Variants in SMARCD3 observed in about 807,000 individuals in gnomAD.
SMARCD3 encodes SWI/SNF related BAF chromatin remodeling complex subunit D3, also known as SWI/SNF-related matrix-associated actin-dependent regulator of chromatin subfamily D member 3.
A neutral mutation model predicts 58.0 loss-of-function variants in SMARCD3; 14 were observed. That is an observed-to-expected ratio of 0.24 (90% CI 0.16 to 0.38). SMARCD3 has a LOEUF of 0.38. Among genes scored for constraint, SMARCD3 ranks in the 10% least tolerant of loss-of-function variants. The pLI, the probability that SMARCD3 is intolerant of heterozygous loss-of-function variation, is 1.00. For synonymous variants in SMARCD3, 253 were observed against 253.8 expected (o/e 1.00, Z 0.03); for missense variants, 408 against 636.9 (o/e 0.64, Z 3.87).
Position 151,243,781 on chromosome 7 carries a change from G to A in SMARCD3, c.291-80C>T, listed in dbSNP as rs219229. ...ACGAGGCCACCTGCTAGATTATCCCGACATCTCCGCCCGCCTGGCTGGGGT... is the reference window on the plus strand; with the variant it reads ...ACGAGGCCACCTGCTAGATTATCCCAACATCTCCGCCCGCCTGGCTGGGGT... On this transcript the variant is annotated intron_variant, in intron 2 of 12. Transcript: ENST00000262188. This position sits in a 1 kb window ranked among gnomAD's most constrained non-coding sequence, Gnocchi z 4.4. 0.31 allele frequency: 304,733 copies of A among 988,310 alleles called. 49,653 individuals carry two copies. Among genetic ancestry groups the A allele is most frequent in the South Asian group, 0.43 (33,710 of 78,572 alleles). 61.2% of individuals were successfully genotyped at this position (988,310 alleles called of 1,614,324 possible).
intron 2 of SMARCD3, among the ~76,000 whole-genome samples, chr7:151,274,026 G>C (rs150865804): frequency 6.6e-6 from 1 of 152,226 alleles, no homozygotes; most frequent in East Asian, 1.9e-4. Flanking sequence ...AGGCCTCCCC[G>C]AGCCTCAGGC....
In SMARCD3 at chr7:151,245,613, G is replaced by A; in HGVS notation, c.137C>T (p.Pro46Leu). 1 of 1,172,600 alleles carries A rather than the reference G, an allele frequency of 8.5e-7. No homozygotes were observed. The highest frequency in any genetic ancestry group is 1.1e-6 in the Non-Finnish European group (1 of 934,592). The allele number at this position is 1,172,600 out of a possible 1,614,324, so 72.6% of individuals were successfully genotyped here. ...GGGGCTGCCCATGTACGGGGAGCCC[G>A]GGGGGCCCATGGGCGCCCCCTGGTG... ...MPHQGAPMGP[P>L]GSPYMGSPAV... Residue 46 changes from proline (P) to leucine (L), a missense_variant, in exon 2 of 13, where the codon CCG becomes CTG. Around this residue, in one of 4 missense-constraint regions of SMARCD3, gnomAD observed 84 missense variants for 81.2 expected, o/e 1.03. Transcript: ENST00000262188. This position sits in a 1 kb window ranked among gnomAD's most constrained non-coding sequence, Gnocchi z 6.2.
chr7:151,275,584 G>A (rs991490311), intron 1 of SMARCD3, among the ~76,000 whole-genome samples: 2 of 152,228 alleles, frequency 1.3e-5, no homozygotes, highest in Admixed American at 6.5e-5. Context: ...TGGTTGGAGG[G>A]AGAGAGCTGG....
chr7:151,255,004 C>G (rs957434823), intron 2 of SMARCD3, among the ~76,000 whole-genome samples: 116 of 152,286 alleles, frequency 7.6e-4, no homozygotes, highest in Non-Finnish European at 1.2e-3. Flanking sequence ...AAGTGCTGCG[C>G]GGACTCGTCG....
intron 2 of SMARCD3, among the ~76,000 whole-genome samples, chr7:151,259,682 T>C (rs900396178): frequency 6.8e-6 from 1 of 145,988 alleles, no homozygotes; most frequent in Non-Finnish European, 1.5e-5. Context: ...TGATCTTGGC[T>C]CACTGCAACC....
At position 151,248,323 on chromosome 7, in the gene SMARCD3, G is replaced by A. The variant is rs911409943; in HGVS notation, c.78+162C>T. Among the ~76,000 whole-genome samples the A allele has an allele frequency of 1.3e-5, 2 of 151,804 alleles. No homozygotes were observed. Among genetic ancestry groups the A allele is most frequent in the Non-Finnish European group, 2.9e-5 (2 of 67,882 alleles). The stretch of plus-strand genomic sequence containing the variant: ...GCCGGCCGCCTGGCGACGTGTTCGG[G>A]TGCCAGGGCGCCAGCACAGTCCCGC... On this transcript the variant is annotated intron_variant, in intron 1 of 12. Transcript: ENST00000262188. This position sits in a 1 kb window ranked among gnomAD's most constrained non-coding sequence, Gnocchi z 6.1.
chr7:151,267,932 G>A lies in SMARCD3; in HGVS notation c.39+7182C>T, dbSNP rs145330696. Among the ~76,000 whole-genome samples, 282 of 152,310 alleles carry A rather than the reference G, an allele frequency of 1.9e-3. 1 individual carries two copies. The highest frequency in any genetic ancestry group is 6.0e-3 in the African/African-American group (249 of 41,560). On this transcript the variant is annotated intron_variant, in intron 2 of 13. Transcript: ENST00000356800. ...GTTGAGGCTGCAGTGAGCCATGATCGCACCACTGTACTCCAGCCTAGGCGA... is the reference window on the plus strand; with the variant it reads ...GTTGAGGCTGCAGTGAGCCATGATCACACCACTGTACTCCAGCCTAGGCGA...
At chr7:151,251,067 G>A (rs1237895661), upstream of SMARCD3, among the ~76,000 whole-genome samples, 1 of 152,152 alleles carries the variant, frequency 6.6e-6, no homozygotes, top group African/African-American at 2.4e-5. Context: ...GAAGACAGCA[G>A]AGGAGATGCT....
chr7:151,273,450 C>A (rs1347903791), intron 2 of SMARCD3, among the ~76,000 whole-genome samples: 1 of 152,200 alleles, frequency 6.6e-6, no homozygotes, highest in South Asian at 2.1e-4. Context: ...TCAGGTGCAC[C>A]CCTCCAGGAA....
chr7:151,252,460 A>G (rs979550719), upstream of SMARCD3, among the ~76,000 whole-genome samples: 4 of 151,662 alleles, frequency 2.6e-5, no homozygotes, highest in African/African-American at 9.7e-5. Flanking sequence ...AGAGAGCGAG[A>G]GAACGCGAGA....
In SMARCD3 at chr7:151,238,848, A is replaced by G; in HGVS notation, c.*255T>C. The G allele has an allele frequency of 5.5e-6, 8 of 1,465,794 alleles. No individual in the cohort carries two copies. The highest frequency in any genetic ancestry group is 7.4e-6 in the Non-Finnish European group (8 of 1,085,118). The allele number at this position is 1,465,794 out of a possible 1,614,324, so 90.8% of individuals were successfully genotyped here. On this transcript the variant is annotated 3_prime_UTR_variant, in exon 13 of 13. Coordinates refer to ENST00000262188, the MANE Select transcript of SMARCD3 (RefSeq NM_001003801.2). ...CTGTTTTTAGGTCTAGGGAAAATTG[A>G]GTAAGGAGAAGAATCCAAGGGAAGG...
At chr7:151,254,281 G>A (rs558787495) in intron 2 of SMARCD3, 1 of 152,500 alleles carries the variant, frequency 6.6e-6, no homozygotes, top group East Asian at 1.9e-4. Flanking sequence ...GCATGTCTGA[G>A]ACATCCTACC....
At chr7:151,271,360 C>A (rs1288879506) in intron 2 of SMARCD3, among the ~76,000 whole-genome samples, 2 of 152,102 alleles carry the variant, frequency 1.3e-5, no homozygotes, top group Non-Finnish European at 2.9e-5. Context: ...GGAGTAGGAC[C>A]TGCCTTCTAC....
chr7:151,239,420 G>C lies in SMARCD3; in HGVS notation c.1374C>G (p.Ala458=). The change falls in exon 12 of 13, where the codon GCC becomes GCG. Residue 458 remains alanine (A), a synonymous_variant. Coordinates refer to ENST00000262188, the MANE Select transcript of SMARCD3 (RefSeq NM_001003801.2). This position sits in a 1 kb window ranked among gnomAD's most constrained non-coding sequence, Gnocchi z 7.0. ...EFYHQPWSQE[A]VSRYFYCKIQ... is the part of the protein sequence containing the mutation. ...CCTTGCAGTAGAAGTAGCGACTGAC[G>C]GCCTCCTGGGACCAGGGCTGGTGGT... 1 of 1,613,636 alleles carries C rather than the reference G, an allele frequency of 6.2e-7. No individual in the cohort carries two copies. Among genetic ancestry groups the C allele is most frequent in the Non-Finnish European group, 8.5e-7 (1 of 1,179,832 alleles).
chr7:151,271,982 TC>T (rs1483593930), intron 2 of SMARCD3, among the ~76,000 whole-genome samples: 1 of 152,166 alleles, frequency 6.6e-6, no homozygotes. Flanking sequence ...AGAGGGTATT[TC>T]CTGAAGGTAG....
At chr7:151,265,113 GTCCCC>G (rs1804041753) in intron 2 of SMARCD3, among the ~76,000 whole-genome samples, 2 of 152,154 alleles carry the variant, frequency 1.3e-5, no homozygotes, top group Non-Finnish European at 2.9e-5. Flanking sequence ...GTTGAACTGT[GTCCCC>G]CAAAATTCAT....
chr7:151,257,446 C>T (rs1167799685), intron 2 of SMARCD3, among the ~76,000 whole-genome samples: 1 of 152,222 alleles, frequency 6.6e-6, no homozygotes, highest in Admixed American at 6.5e-5. Flanking sequence ...CCTGCCTCAG[C>T]CTCCTGAGTA....
chr7:151,271,402 C>T (rs1483334844), intron 2 of SMARCD3, among the ~76,000 whole-genome samples: 4 of 152,012 alleles, frequency 2.6e-5, no homozygotes, highest in Admixed American at 2.0e-4. Context: ...CTCTCTTCAG[C>T]TTGAATTTCC....
At position 151,240,253 on chromosome 7, in the gene SMARCD3, A is replaced by C. The variant is rs1563644396; in HGVS notation, c.1038-6T>G. The C allele has an allele frequency of 1.2e-6, 2 of 1,612,384 alleles. No individual in the cohort carries two copies. Among genetic ancestry groups the C allele is most frequent in the East Asian group, 4.5e-5 (2 of 44,706 alleles). On this transcript the variant is annotated splice_polypyrimidine_tract_variant and splice_region_variant and intron_variant, in intron 9 of 12. Transcript: ENST00000262188. ...TCTGGTCTGAAGGGTCCACGCTGCC[A>C]GGGAAGTCCAGCCCTTCGTGTCCAC...
Sources: allele counts gnomAD v4.1 joint callset (sites outside exome capture counted in the v4.1 genomes callset), GRCh38; gene constraint gnomAD v4.1.1; regional missense constraint gnomAD v4.1.1; non-coding constraint Gnocchi (gnomAD v3.1); transcripts MANE v1.5; gene names NCBI Gene and HGNC (gene_info 2026-07-23, HGNC 2026-07-21).